LPIN1: variants seen among roughly 807,000 people sequenced by gnomAD.
LPIN1 encodes lipin 1.
In LPIN1, 71 loss-of-function variants were observed where a neutral mutation model predicts 107.5. That is an observed-to-expected ratio of 0.66 (90% CI 0.55 to 0.80). The LOEUF (loss-of-function observed/expected upper bound fraction) is 0.80. Among genes scored for constraint, LPIN1 ranks in the 30% least tolerant of loss-of-function variants. The pLI is 0.00. For missense variants in LPIN1, 1,043 were observed against 1,160.6 expected, an observed-to-expected ratio of 0.90 and a Z score of 1.47; for synonymous variants, 445 against 452.6, an observed-to-expected ratio of 0.98 and a Z score of 0.21.
chr2:11,687,857 C>T (rs531638078), intron 1 of LPIN1, among the ~76,000 whole-genome samples: 6 of 152,218 alleles, frequency 3.9e-5, no homozygotes, highest in South Asian at 2.1e-4. Flanking sequence ...ATGGCAGGGC[C>T]GCAGCTAAGT....
At chr2:11,783,791 A>G (rs1673976989) in intron 8 of LPIN1, 38 bp from the exon 9 acceptor site, 4 of 1,537,730 alleles carry the variant, frequency 2.6e-6, no homozygotes, top group African/African-American at 1.4e-5. Flanking sequence ...TCATTTCTAG[A>G]AGAGTGGTTT....
intron 1 of LPIN1, among the ~76,000 whole-genome samples, chr2:11,758,252 C>T (rs1224912779): frequency 6.6e-6 from 1 of 150,792 alleles, no homozygotes; most frequent in Non-Finnish European, 1.5e-5. Context: ...TTTTCGAGAC[C>T]TGCTTTCAGT....
chr2:11,741,390 C>T, exon 2 of LPIN1: 3 of 1,550,416 alleles, frequency 1.9e-6, no homozygotes, highest in Non-Finnish European at 2.6e-6. Context: ...AGGCCACCTG[C>T]TTAACAGAAG....
At chr2:11,759,175 TTCTTTC>T (rs1287467990) in intron 1 of LPIN1, among the ~76,000 whole-genome samples, 1 of 150,750 alleles carries the variant, frequency 6.6e-6, no homozygotes, top group Non-Finnish European at 1.5e-5. Flanking sequence ...CTTTCTTTCT[TTCTTTC>T]TTTCTTTCTT....
In LPIN1 at chr2:11,784,970, G is replaced by C; in HGVS notation, c.1443G>C (p.Ser481=). The C allele has an allele frequency of 1.2e-6, 2 of 1,613,878 alleles. No individual in the cohort carries two copies. Among genetic ancestry groups the C allele is most frequent in the South Asian group, 2.2e-5 (2 of 91,066 alleles). Residue 481 remains serine, a synonymous_variant, in exon 10 of 21, where the codon TCG becomes TCC. Transcript: ENST00000674199. ...ANQSPQSVGS[S]GVDSGVESTS... ...AGTCCCCGCAGTCGGTGGGCAGCTC[G>C]GGCGTGGACAGTGGCGTGGAGAGCA...
chr2:11,785,916 T>C (rs1169012700), intron 10 of LPIN1, among the ~76,000 whole-genome samples: 1 of 152,148 alleles, frequency 6.6e-6, no homozygotes, highest in Non-Finnish European at 1.5e-5. Flanking sequence ...GTGTGCTGGG[T>C]CCCGCCGGCT....
chr2:11,754,771 A>G (rs1481138574), intron 1 of LPIN1, among the ~76,000 whole-genome samples: 1 of 152,220 alleles, frequency 6.6e-6, no homozygotes, highest in Admixed American at 6.5e-5. Context: ...GCTCCCACAC[A>G]CATAGCTGGT....
rs746554582 is a variant in LPIN1 at position 11,774,626 on chromosome 2, A to G, written c.722+881A>G. The stretch of plus-strand genomic sequence containing the variant: ...CATGCTTTAGATTCGCTTCTGGTTC[A>G]TGGTGCCAGCCCTTAGAAACTCTGG... On this transcript the variant is annotated intron_variant, in intron 5 of 20. Transcript: ENST00000674199. This position sits in a 1 kb window ranked among gnomAD's most constrained non-coding sequence, Gnocchi z 4.4. Among the ~76,000 whole-genome samples the G allele has an allele frequency of 1.4e-4, 21 of 152,154 alleles. No homozygotes were observed. Among genetic ancestry groups the G allele is most frequent in the Non-Finnish European group, 2.8e-4 (19 of 68,032 alleles).
chr2:11,677,716 G>A (rs1042665198), exon 1 of LPIN1: 64 of 1,535,730 alleles, frequency 4.2e-5, no homozygotes, highest in East Asian at 7.3e-5. Flanking sequence ...CCCCAGACTC[G>A]GCTTGGTCAT....
intron 1 of LPIN1, among the ~76,000 whole-genome samples, chr2:11,763,483 G>C (rs956715181): frequency 6.6e-6 from 1 of 152,182 alleles, no homozygotes; most frequent in African/African-American, 2.4e-5. Flanking sequence ...CTTGAACCCA[G>C]AATATCTCTT....
At chr2:11,784,189 A>G (rs1674060567) in intron 9 of LPIN1, 2 of 762,262 alleles carry the variant, frequency 2.6e-6, no homozygotes, top group African/African-American at 1.8e-5. Context: ...CTGTAATCCC[A>G]GCTACTCGGG....
chr2:11,795,271 A>G, intron 13 of LPIN1, 137 bp from the exon 14 acceptor site: 2 of 741,032 alleles, frequency 2.7e-6, no homozygotes, highest in Non-Finnish European at 2.4e-6. Context: ...CTCCTGGGCG[A>G]TCGCTAGGGT....
At chr2:11,760,165 G>A (rs186217006) in intron 1 of LPIN1, among the ~76,000 whole-genome samples, 2,563 of 150,914 alleles carry the variant, frequency 0.017, 40 homozygotes, top group African/African-American at 0.06. Context: ...ACGGGATGGC[G>A]GCCGGGAAGA....
At chr2:11,710,572 C>G (rs1395606799) in intron 1 of LPIN1, among the ~76,000 whole-genome samples, 1 of 152,168 alleles carries the variant, frequency 6.6e-6, no homozygotes, top group Non-Finnish European at 1.5e-5. Flanking sequence ...GACCTTCATC[C>G]AGGAGTAGCC....
At chr2:11,733,856 T>C (rs1452367362) in intron 1 of LPIN1, among the ~76,000 whole-genome samples, 2 of 152,186 alleles carry the variant, frequency 1.3e-5, no homozygotes, top group Non-Finnish European at 1.5e-5. Flanking sequence ...GAGCAGCACA[T>C]TGTGAGCACC....
Position 11,746,632 on chromosome 2 carries a change from G to A in LPIN1, c.-49G>A, listed in dbSNP as rs1666965461. 1 of 985,428 alleles carries A rather than the reference G, an allele frequency of 1.0e-6. No homozygotes were observed. The highest frequency in any genetic ancestry group is 1.2e-6 in the Non-Finnish European group (1 of 829,966). 61.0% of individuals were successfully genotyped at this position (985,428 alleles called of 1,614,324 possible). A position where few individuals can be genotyped will look rare whatever the true frequency, so the allele number is the denominator to read the frequency against. ...GCGCTGACAGCCGGCGGCGGGCTGG[G>A]TGTTTGCAATACAAAGGCGGCCACG... On this transcript the variant is annotated 5_prime_UTR_variant, in exon 1 of 21. In the 5' UTR this introduces an upstream ATG that the reference lacks. Coordinates refer to ENST00000674199, the MANE Select transcript of LPIN1 (RefSeq NM_001349206.2).
At chr2:11,698,886 T>G (rs1334612517) in intron 1 of LPIN1, among the ~76,000 whole-genome samples, 1 of 152,246 alleles carries the variant, frequency 6.6e-6, no homozygotes, top group Non-Finnish European at 1.5e-5. Context: ...ACCCTGCCTG[T>G]AGAACTTGTG....
At chr2:11,783,524 C>T (rs1025254032) in intron 8 of LPIN1, among the ~76,000 whole-genome samples, 2 of 152,188 alleles carry the variant, frequency 1.3e-5, no homozygotes, top group Non-Finnish European at 2.9e-5. Context: ...AGCGAGGGGC[C>T]TCGGTACCTA....
chr2:11,741,407 A>G, exon 2 of LPIN1: 2 of 1,550,524 alleles, frequency 1.3e-6, no homozygotes, highest in Non-Finnish European at 1.7e-6. Flanking sequence ...GAAGACAACT[A>G]GAAACCTCAT....
Sources: gnomAD v4.1 joint callset for allele counts (sites outside exome capture counted in the v4.1 genomes callset) on GRCh38, gnomAD v4.1.1 for gene constraint, Gnocchi (gnomAD v3.1) non-coding constraint, MANE v1.5 for transcripts, NCBI Gene and HGNC (gene_info 2026-07-23, HGNC 2026-07-21) for gene names.